The following LDB2 variants were observed in gnomAD, a reference collection of about 807,000 sequenced individuals.
LDB2 encodes LIM domain-binding protein 2.
Under a neutral mutation model 44.3 loss-of-function variants are expected in LDB2, and 12 were observed. The ratio of observed to expected loss-of-function variants is 0.27; its 90% CI spans 0.17 to 0.44. The LOEUF (loss-of-function observed/expected upper bound fraction) is 0.44. LDB2 is among the 20% of genes least tolerant of loss of function. The probability of loss-of-function intolerance (pLI) is 1.00; values close to 1 mark genes in which losing one functional copy is unlikely to be tolerated. For synonymous variants in LDB2, 164 were observed against 174.8 expected (o/e 0.94, Z 0.49); for missense variants, 344 against 473.5 (o/e 0.73, Z 2.54).
chr4:16,718,479 A>G (rs1171190693), intron 2 of LDB2, among the ~76,000 whole-genome samples: 1 of 152,118 alleles, frequency 6.6e-6, no homozygotes, highest in Non-Finnish European at 1.5e-5. Flanking sequence ...TCTTGCTGCT[A>G]TCTTTAACCC....
At chr4:16,856,641 TTCTGTAAC>T (rs1480048387) in intron 1 of LDB2, among the ~76,000 whole-genome samples, 1 of 152,196 alleles carries the variant, frequency 6.6e-6, no homozygotes, top group East Asian at 1.9e-4. Context: ...AATGTGTATG[TTCTGTAAC>T]TCTGTAATTC....
chr4:16,753,514 A>C (rs1765881342), intron 2 of LDB2, among the ~76,000 whole-genome samples: 1 of 152,242 alleles, frequency 6.6e-6, no homozygotes, highest in South Asian at 2.1e-4. Context: ...GCAAGTGTAG[A>C]AATGGCTCCA....
chr4:16,579,166 A>G (rs1330171298), intron 5 of LDB2, among the ~76,000 whole-genome samples: 1 of 152,260 alleles, frequency 6.6e-6, no homozygotes, highest in Non-Finnish European at 1.5e-5. Flanking sequence ...TCTTTTTAAA[A>G]TAATTAAAAG....
chr4:16,811,466 T>C (rs542276207), intron 1 of LDB2, among the ~76,000 whole-genome samples: 1 of 152,356 alleles, frequency 6.6e-6, no homozygotes, highest in East Asian at 1.9e-4. Context: ...AAACTTGGAC[T>C]AAACTTCAAT....
chr4:16,524,836 G>A (rs190641071), intron 5 of LDB2, among the ~76,000 whole-genome samples: 55 of 152,254 alleles, frequency 3.6e-4, no homozygotes, highest in Non-Finnish European at 7.1e-4. Flanking sequence ...CTTGGAGACT[G>A]ACCCCCAGCA....
chr4:16,738,198 A>C (rs1161841086), intron 2 of LDB2, among the ~76,000 whole-genome samples: 2 of 152,232 alleles, frequency 1.3e-5, no homozygotes, highest in Non-Finnish European at 2.9e-5. Flanking sequence ...GGAACCTAAA[A>C]ATGGGACGTC....
In LDB2 at chr4:16,508,669, G is replaced by C. The variant is rs201121678; in HGVS notation, c.757C>G (p.Pro253Ala). The change falls in exon 7 of 8, where the codon CCA becomes GCA. Residue 253 changes from proline to alanine, a missense_variant. Pro to Ala is a conservative substitution (Grantham distance 27, BLOSUM62 -1). Coordinates refer to ENST00000304523, the MANE Select transcript of LDB2 (RefSeq NM_001290.5). ...VAPPAEPTRQ[P>A]TTKRRKRKNS... Reference sequence around the variant, plus strand: ...TTCCTTTTTCTCCGTTTGGTTGTTGGTTGCCTTGTGGGTTCTGCTGCAATA... The same window carrying C: ...TTCCTTTTTCTCCGTTTGGTTGTTGCTTGCCTTGTGGGTTCTGCTGCAATA... 130 of 1,613,670 alleles carry C rather than the reference G, an allele frequency of 8.1e-5. No homozygotes were observed. The highest frequency in any genetic ancestry group is 1.0e-4 in the Non-Finnish European group (122 of 1,179,814).
chr4:16,819,298 T>A (rs1251600649), intron 1 of LDB2, among the ~76,000 whole-genome samples: 8 of 152,154 alleles, frequency 5.3e-5, no homozygotes, highest in African/African-American at 1.9e-4. Flanking sequence ...TATATCTAAT[T>A]CATTTCGAAC....
intron 1 of LDB2, among the ~76,000 whole-genome samples, chr4:16,769,164 A>C (rs1246949167): frequency 2.0e-5 from 3 of 152,226 alleles, no homozygotes; most frequent in African/African-American, 7.2e-5. Flanking sequence ...GCTTGAAGAC[A>C]CACAAATAAA....
At chr4:16,503,737 GC>G (rs1365878467) in intron 7 of LDB2, among the ~76,000 whole-genome samples, 1 of 152,170 alleles carries the variant, frequency 6.6e-6, no homozygotes, top group East Asian at 1.9e-4. Flanking sequence ...CATTGATGAA[GC>G]TGGTAGTCAT....
chr4:16,808,184 G>C (rs1779145496), intron 1 of LDB2, among the ~76,000 whole-genome samples: 1 of 152,132 alleles, frequency 6.6e-6, no homozygotes, highest in Admixed American at 6.6e-5. Context: ...CGCCCCTCTG[G>C]AAAACTCTGG....
intron 2 of LDB2, chr4:16,750,720 T>G (rs1364078714): frequency 6.6e-6 from 1 of 152,204 alleles, no homozygotes; most frequent in East Asian, 1.9e-4. Flanking sequence ...AAACTTGAGT[T>G]TCAGATAAAT....
intron 1 of LDB2, among the ~76,000 whole-genome samples, chr4:16,881,836 C>T (rs1191669203): frequency 1.2e-4 from 19 of 152,066 alleles, no homozygotes; most frequent in Admixed American, 1.2e-3. Context: ...AGTTAAGAGA[C>T]CTAGTTGCAG....
intron 4 of LDB2, among the ~76,000 whole-genome samples, chr4:16,586,501 CACACACACACACACACACACACACAAA>C (rs771733626): frequency 7.8e-4 from 91 of 115,996 alleles, no homozygotes; most frequent in Non-Finnish European, 1.4e-3. Flanking sequence ...CACACACACA[CACACACACACACACACACACACACAAA>C]ACACACACAC....
At chr4:16,801,311 C>T (rs1010418282) in intron 1 of LDB2, among the ~76,000 whole-genome samples, 3 of 152,094 alleles carry the variant, frequency 2.0e-5, no homozygotes. Flanking sequence ...GACTGCACGT[C>T]GTTAGGATAG....
intron 2 of LDB2, among the ~76,000 whole-genome samples, chr4:16,666,429 C>T (rs185601472): frequency 4.6e-5 from 7 of 152,282 alleles, no homozygotes; most frequent in East Asian, 1.9e-4. Flanking sequence ...AGCCTCACAA[C>T]GGTAGTGACT....
intron 1 of LDB2, among the ~76,000 whole-genome samples, chr4:16,800,911 A>G (rs1777691857): frequency 6.6e-6 from 1 of 152,088 alleles, no homozygotes; most frequent in African/African-American, 2.4e-5. Flanking sequence ...TCCTCACCTC[A>G]TGATCCACCC....
At chr4:16,756,841 A>AC (rs934017082) in intron 2 of LDB2, among the ~76,000 whole-genome samples, 6 of 151,244 alleles carry the variant, frequency 4.0e-5, no homozygotes, top group Non-Finnish European at 5.9e-5. Context: ...ACCCAAAAGG[A>AC]CCCCCCTAGA....
At chr4:16,527,959 A>C (rs76075390) in intron 5 of LDB2, among the ~76,000 whole-genome samples, 2 of 151,604 alleles carry the variant, frequency 1.3e-5, no homozygotes, top group Non-Finnish European at 2.9e-5. Context: ...GCTGGGAGGA[A>C]AAGTGAAAAA....
Sources: gnomAD v4.1 joint callset for allele counts (sites outside exome capture counted in the v4.1 genomes callset) on GRCh38, gnomAD v4.1.1 for gene constraint, MANE v1.5 for transcripts, NCBI Gene and HGNC (gene_info 2026-07-23, HGNC 2026-07-21) for gene names.